The following TYW2 variants were observed in gnomAD, a reference collection of about 807,000 sequenced individuals.
TYW2 encodes tRNA wybutosine-synthesizing protein 2 homolog.
At chr8:124,450,858 C>A in the TYW2 span, 1 of 1,535,590 alleles carries the variant, frequency 6.5e-7, no homozygotes, top group South Asian at 1.3e-5. Context: ...CTGCAGGCTA[C>A]CTTATTTAAG....
the TYW2 span, chr8:124,451,093 T>C: frequency 6.2e-7 from 1 of 1,614,164 alleles, no homozygotes; most frequent in Non-Finnish European, 8.5e-7. Context: ...GCCGGATGGC[T>C]CGGTGGCGCT....
At chr8:124,451,941 T>C in the TYW2 span, 1 of 1,614,158 alleles carries the variant, frequency 6.2e-7, no homozygotes, top group Non-Finnish European at 8.5e-7. Context: ...TCCACCAAAA[T>C]GTGGAATCTT....
At chr8:124,451,961 A>G in the TYW2 span, 1 of 1,614,210 alleles carries the variant, frequency 6.2e-7, no homozygotes, top group Non-Finnish European at 8.5e-7. Context: ...TTCCCAGGGA[A>G]GAATCTTCAG....
At chr8:124,452,996 G>T in the TYW2 span, 1 of 165,554 alleles carries the variant, frequency 6.0e-6, no homozygotes, top group South Asian at 2.1e-4. Flanking sequence ...GTGAGGGGTT[G>T]TCTTATAAAT....
At chr8:124,451,882 C>T in the TYW2 span, 1 of 1,614,154 alleles carries the variant, frequency 6.2e-7, no homozygotes, top group African/African-American at 1.3e-5. Flanking sequence ...AGAAGGCTGG[C>T]CCATTGCCTG....
chr8:124,450,965 A>G, the TYW2 span: 1 of 1,614,138 alleles, frequency 6.2e-7, no homozygotes, highest in Non-Finnish European at 8.5e-7. Flanking sequence ...ATGGAGAGAG[A>G]AAGTGGGAAG....
chr8:124,451,650 C>T, the TYW2 span: 1 of 1,614,184 alleles, frequency 6.2e-7, no homozygotes, highest in Non-Finnish European at 8.5e-7. Context: ...TGGTGGATCT[C>T]TATGCAGGGA....
Sources: allele counts gnomAD v4.1 joint callset, GRCh38; gene constraint gnomAD v4.1.1; transcripts MANE v1.5; gene names NCBI Gene and HGNC (gene_info 2026-07-23, HGNC 2026-07-21).